PRKAG2: variants seen among roughly 807,000 people sequenced by gnomAD.
PRKAG2 encodes 5'-AMP-activated protein kinase subunit gamma-2.
Under a neutral mutation model 69.6 loss-of-function variants are expected in PRKAG2, and 26 were observed. That is an observed-to-expected ratio of 0.37 (90% CI 0.27 to 0.52). The LOEUF (loss-of-function observed/expected upper bound fraction) is 0.52, where lower values mean the gene tolerates loss of function less well. Among genes scored for constraint, PRKAG2 ranks in the 20% least tolerant of loss-of-function variants. The pLI, the probability that PRKAG2 is intolerant of heterozygous loss-of-function variation, is 0.90. For missense variants in PRKAG2, 557 were observed against 740.0 expected, an observed-to-expected ratio of 0.75 and a Z score of 2.87; for synonymous variants, 293 against 285.0, an observed-to-expected ratio of 1.03 and a Z score of -0.28.
intron 3 of PRKAG2, among the ~76,000 whole-genome samples, chr7:151,757,673 C>T (rs976572455): frequency 5.9e-5 from 9 of 152,298 alleles, no homozygotes; most frequent in African/African-American, 2.2e-4. Context: ...GCCCTAAGAA[C>T]CCCCCAAACC....
chr7:151,692,734 C>A (rs181294853), intron 3 of PRKAG2, among the ~76,000 whole-genome samples: 4 of 152,170 alleles, frequency 2.6e-5, no homozygotes, highest in African/African-American at 9.7e-5. Flanking sequence ...CGGATGGAGA[C>A]GCCTCAGCAT....
At chr7:151,714,651 TAAATTAAGAATA>T (rs1329028325) in intron 3 of PRKAG2, among the ~76,000 whole-genome samples, 2 of 152,142 alleles carry the variant, frequency 1.3e-5, no homozygotes, top group Non-Finnish European at 2.9e-5. Context: ...CATCTACTTC[TAAATTAAGAATA>T]AGTGGGCCGG....
intron 3 of PRKAG2, among the ~76,000 whole-genome samples, chr7:151,753,576 T>C (rs1444995112): frequency 6.6e-6 from 1 of 152,176 alleles, no homozygotes; most frequent in African/African-American, 2.4e-5. Context: ...TAAAATGTTA[T>C]TTATTATTTA....
intron 4 of PRKAG2, among the ~76,000 whole-genome samples, chr7:151,643,196 G>A (rs1487381038): frequency 6.6e-6 from 1 of 152,094 alleles, no homozygotes; most frequent in Admixed American, 6.5e-5. Flanking sequence ...TCTCTTATAG[G>A]TTGATAACTC....
intron 3 of PRKAG2, among the ~76,000 whole-genome samples, chr7:151,734,530 A>G (rs1799451457): frequency 6.6e-6 from 1 of 152,158 alleles, no homozygotes; most frequent in African/African-American, 2.4e-5. Context: ...CCATGCAAGC[A>G]GTAACGCTGG....
At chr7:151,590,584 C>T (rs757660679) in intron 6 of PRKAG2, among the ~76,000 whole-genome samples, 1 of 152,172 alleles carries the variant, frequency 6.6e-6, no homozygotes, top group Non-Finnish European at 1.5e-5. Flanking sequence ...TTTCTTTACT[C>T]GAAAGCCCAG....
chr7:151,707,872 C>T (rs1838893397), intron 3 of PRKAG2, among the ~76,000 whole-genome samples: 1 of 152,228 alleles, frequency 6.6e-6, no homozygotes, highest in African/African-American at 2.4e-5. Context: ...AAAGCCCAGG[C>T]ATGAGCCAGC....
At chr7:151,584,407 C>T (rs1034798236) in intron 6 of PRKAG2, among the ~76,000 whole-genome samples, 2 of 152,014 alleles carry the variant, frequency 1.3e-5, no homozygotes, top group Non-Finnish European at 2.9e-5. Flanking sequence ...GGGCAGCCAT[C>T]TGACAGGGCC....
At chr7:151,581,743 G>A (rs1016720495) in intron 6 of PRKAG2, among the ~76,000 whole-genome samples, 1 of 152,076 alleles carries the variant, frequency 6.6e-6, no homozygotes, top group Non-Finnish European at 1.5e-5. Context: ...CACACCTCAG[G>A]CTTAAAAGAA....
intron 5 of PRKAG2, chr7:151,631,723 A>T: frequency 2.2e-6 from 1 of 463,180 alleles, no homozygotes; most frequent in Non-Finnish European, 4.3e-6. Flanking sequence ...GTTGCCTCCG[A>T]GTGCATGGTG....
At chr7:151,726,400 A>ACACACG (rs557849317) in intron 3 of PRKAG2, among the ~76,000 whole-genome samples, 1 of 102,508 alleles carries the variant, frequency 9.8e-6, no homozygotes, top group East Asian at 3.2e-4. Context: ...ACACACACAC[A>ACACACG]CGCACACACA....
At position 151,614,630 on chromosome 7, in the gene PRKAG2, T is replaced by C. The variant is rs1819644888; in HGVS notation, c.754+17439A>G. Among the ~76,000 whole-genome samples, 1 of 152,038 alleles carries C rather than the reference T, an allele frequency of 6.6e-6. No individual in the cohort carries two copies. Among genetic ancestry groups the C allele is most frequent in the Non-Finnish European group, 1.5e-5 (1 of 68,002 alleles). On this transcript the variant is annotated intron_variant, in intron 5 of 15. Transcript: ENST00000287878. This position sits in a 1 kb window ranked among gnomAD's most constrained non-coding sequence, Gnocchi z 4.4. The stretch of plus-strand genomic sequence containing the variant: ...TCCACTTGACCTTGTGGTGGTTCAC[T>C]CCACTCCACTGCCTTTCTTTCAGAG...
intron 5 of PRKAG2, among the ~76,000 whole-genome samples, chr7:151,613,334 AT>A (rs997992634): frequency 2.6e-5 from 4 of 152,120 alleles, no homozygotes; most frequent in African/African-American, 9.6e-5. Flanking sequence ...CAAAATCCAA[AT>A]TTTTTTGAGC....
At chr7:151,831,186 C>T (rs1181832056) in intron 1 of PRKAG2, among the ~76,000 whole-genome samples, 1 of 152,120 alleles carries the variant, frequency 6.6e-6, no homozygotes, top group African/African-American at 2.4e-5. Context: ...GGCAGTGCCT[C>T]AGAAGTTAAA....
chr7:151,712,080 T>G (rs935355666), intron 3 of PRKAG2, among the ~76,000 whole-genome samples: 1 of 152,190 alleles, frequency 6.6e-6, no homozygotes, highest in Non-Finnish European at 1.5e-5. Context: ...GGCGGCAGAA[T>G]GTCAGGTGCC....
intron 1 of PRKAG2, among the ~76,000 whole-genome samples, chr7:151,822,409 C>T (rs2078807333): frequency 6.6e-6 from 1 of 152,188 alleles, no homozygotes; most frequent in Non-Finnish European, 1.5e-5. Context: ...CCCAGCGCTG[C>T]CTGGGTGAAG....
chr7:151,829,812 G>A (rs1220661920), intron 1 of PRKAG2, among the ~76,000 whole-genome samples: 3 of 151,934 alleles, frequency 2.0e-5, no homozygotes, highest in Non-Finnish European at 2.9e-5. Context: ...CTGCAGCGGG[G>A]GAGGGCATAA....
intron 6 of PRKAG2, among the ~76,000 whole-genome samples, chr7:151,585,406 GT>G (rs1170400133): frequency 6.6e-6 from 1 of 151,920 alleles, no homozygotes; most frequent in Non-Finnish European, 1.5e-5. Flanking sequence ...TTTATTGTCA[GT>G]TTTTTTGGTA....
At chr7:151,817,116 C>T (rs915456066) in intron 1 of PRKAG2, among the ~76,000 whole-genome samples, 1 of 152,196 alleles carries the variant, frequency 6.6e-6, no homozygotes, top group East Asian at 1.9e-4. Context: ...CATTTCTCCT[C>T]GCTTCCAGAA....
Sources: gnomAD v4.1 joint callset for allele counts (sites outside exome capture counted in the v4.1 genomes callset) on GRCh38, gnomAD v4.1.1 for gene constraint, Gnocchi (gnomAD v3.1) non-coding constraint, MANE v1.5 for transcripts, NCBI Gene and HGNC (gene_info 2026-07-23, HGNC 2026-07-21) for gene names.